The following FTCDNL1 variants were observed in gnomAD, a reference collection of about 807,000 sequenced individuals.
FTCDNL1 encodes the protein formiminotransferase cyclodeaminase N-terminal like, also known as formiminotransferase N-terminal subdomain-containing protein.
FTCDNL1 carries 11 observed loss-of-function variants against 5.9 expected under a neutral mutation model. That is an observed-to-expected ratio of 1.87 (90% CI 1.18 to 3.10). The LOEUF is 3.10. Among genes scored for constraint, FTCDNL1 ranks in the 30% most tolerant of loss-of-function variants. The pLI, the probability that FTCDNL1 is intolerant of heterozygous loss-of-function variation, is 0.00. For synonymous variants in FTCDNL1, 58 were observed against 24.8 expected (o/e 2.34, Z -3.99); for missense variants, 115 against 65.5 (o/e 1.76, Z -2.61).
chr2:199,691,008 C>A, the FTCDNL1 span, among the ~76,000 whole-genome samples: 3 of 152,070 alleles, frequency 2.0e-5, no homozygotes, highest in African/African-American at 7.2e-5. Flanking sequence ...CCCACATATA[C>A]AAACATAGGC....
At chr2:199,709,478 GGAATTTTAATATTTAGAGATA>G in the FTCDNL1 span, among the ~76,000 whole-genome samples, 1 of 152,072 alleles carries the variant, frequency 6.6e-6, no homozygotes, top group Admixed American at 6.6e-5. Context: ...TGAGTCTTGA[GGAATTTTAATATTTAGAGATA>G]GATTGCAGGG....
chr2:199,829,844 CCT>C (rs1702257507), intron 3 of FTCDNL1, among the ~76,000 whole-genome samples: 1 of 152,100 alleles, frequency 6.6e-6, no homozygotes, highest in African/African-American at 2.4e-5. Context: ...AGAAAAAAGA[CCT>C]CAAGTCTGTC....
chr2:199,806,671 T>C (rs1459145450), downstream of FTCDNL1, among the ~76,000 whole-genome samples: 1 of 152,182 alleles, frequency 6.6e-6, no homozygotes, highest in Non-Finnish European at 1.5e-5. Context: ...ATATTTTCCT[T>C]ACTCCCCTCT....
the FTCDNL1 span, among the ~76,000 whole-genome samples, chr2:199,663,915 GA>G: frequency 5.3e-4 from 81 of 151,896 alleles, no homozygotes; most frequent in African/African-American, 1.8e-3. Flanking sequence ...GATATAAATT[GA>G]TGCCAGTCAT....
At chr2:199,734,157 C>T in the FTCDNL1 span, among the ~76,000 whole-genome samples, 48 of 152,226 alleles carry the variant, frequency 3.2e-4, 1 homozygote, top group South Asian at 8.1e-3. Flanking sequence ...CACACAAAAA[C>T]GTAGGCAGTG....
chr2:199,773,773 A>C (rs1184618750), intron 3 of FTCDNL1, among the ~76,000 whole-genome samples: 1 of 152,142 alleles, frequency 6.6e-6, no homozygotes, highest in African/African-American at 2.4e-5. Flanking sequence ...CCCCCCAACT[A>C]CTATTATGAC....
intron 2 of FTCDNL1, among the ~76,000 whole-genome samples, chr2:199,848,290 T>G (rs1228448278): frequency 6.6e-6 from 1 of 152,212 alleles, no homozygotes; most frequent in African/African-American, 2.4e-5. Context: ...GTCACCAAAT[T>G]GCTGAGTGAT....
chr2:199,699,069 A>G, the FTCDNL1 span, among the ~76,000 whole-genome samples: 1 of 152,244 alleles, frequency 6.6e-6, no homozygotes, highest in African/African-American at 2.4e-5. Flanking sequence ...TGAATCAGGA[A>G]GAAATTGAAA....
chr2:199,667,750 G>A, the FTCDNL1 span, among the ~76,000 whole-genome samples: 1 of 152,198 alleles, frequency 6.6e-6, no homozygotes, highest in Non-Finnish European at 1.5e-5. Flanking sequence ...GCCAATTAAT[G>A]TGTCTGAGTC....
chr2:199,794,673 T>C (rs1383146837), intron 3 of FTCDNL1, among the ~76,000 whole-genome samples: 1 of 151,632 alleles, frequency 6.6e-6, no homozygotes. Context: ...AGTCCAGGAG[T>C]TTGAGACCAG....
At chr2:199,850,684 G>A (rs1239300879) in intron 1 of FTCDNL1, 56 bp downstream of exon 1, 2 of 152,260 alleles carry the variant, frequency 1.3e-5, no homozygotes, top group Non-Finnish European at 2.9e-5. Context: ...CCCCGCCCCC[G>A]CGCCTCCCCA....
chr2:199,727,245 C>A, the FTCDNL1 span, among the ~76,000 whole-genome samples: 3 of 152,198 alleles, frequency 2.0e-5, no homozygotes, highest in Non-Finnish European at 1.5e-5. Context: ...ACTGCCCAGT[C>A]CCCCCAGCAC....
chr2:199,705,906 G>C, the FTCDNL1 span, among the ~76,000 whole-genome samples: 7 of 152,340 alleles, frequency 4.6e-5, no homozygotes, highest in African/African-American at 1.7e-4. Context: ...AGGAGGGCAG[G>C]AAGTCTCACT....
chr2:199,836,401 G>C lies in FTCDNL1; in HGVS notation c.211+9674C>G, dbSNP rs1179620537. 5.3e-5 allele frequency among the ~76,000 whole-genome samples: 8 copies of C among 152,092 alleles called. 1 individual carries two copies. Among genetic ancestry groups the C allele is most frequent in the Admixed American group, 4.6e-4 (7 of 15,282 alleles). ...TGCCCAGGCTGGTCTTGAACTCCTG[G>C]GCTCAAACAATCCTCCCACCTTGGC... On this transcript the variant is annotated intron_variant, in intron 3 of 4. Coordinates refer to ENST00000420128, the MANE Select transcript of FTCDNL1 (RefSeq NM_001363886.2).
the FTCDNL1 span, among the ~76,000 whole-genome samples, chr2:199,718,155 G>A: frequency 2.6e-5 from 4 of 151,990 alleles, no homozygotes; most frequent in Non-Finnish European, 2.9e-5. Context: ...TTTCTAGTGT[G>A]CCCATTGCCC....
intron 3 of FTCDNL1, among the ~76,000 whole-genome samples, chr2:199,841,630 C>A (rs1044784278): frequency 6.6e-6 from 1 of 152,014 alleles, no homozygotes; most frequent in African/African-American, 2.4e-5. Context: ...CTCTGCCAAC[C>A]TTTTACATGC....
chr2:199,773,782 A>G (rs1698929093), intron 3 of FTCDNL1, among the ~76,000 whole-genome samples: 1 of 152,178 alleles, frequency 6.6e-6, no homozygotes, highest in South Asian at 2.1e-4. Context: ...TACTATTATG[A>G]CATTGCTTTT....
chr2:199,759,775 T>C (rs1428019049), downstream of FTCDNL1, among the ~76,000 whole-genome samples: 1 of 152,224 alleles, frequency 6.6e-6, no homozygotes, highest in Non-Finnish European at 1.5e-5. Flanking sequence ...AGAAACCTGA[T>C]AAAACCAATT....
chr2:199,847,907 T>C (rs761898498), intron 2 of FTCDNL1, among the ~76,000 whole-genome samples: 14 of 152,252 alleles, frequency 9.2e-5, no homozygotes, highest in Non-Finnish European at 1.5e-4. Context: ...TAGACATTTC[T>C]AGCTCCTGCA....
Sources: gnomAD v4.1 joint callset for allele counts (sites outside exome capture counted in the v4.1 genomes callset) on GRCh38, gnomAD v4.1.1 for gene constraint, MANE v1.5 for transcripts, NCBI Gene and HGNC (gene_info 2026-07-23, HGNC 2026-07-21) for gene names.